Variants in SGCZ observed in about 807,000 individuals in gnomAD.
The protein encoded by SGCZ is zeta-sarcoglycan.
In SGCZ, 40 loss-of-function variants were observed where a neutral mutation model predicts 41.3. The ratio of observed to expected loss-of-function variants is 0.97; its 90% confidence interval spans 0.75 to 1.26. The LOEUF (loss-of-function observed/expected upper bound fraction) is 1.26. Among genes scored for constraint, SGCZ ranks in the 50% most tolerant of loss-of-function variants. The pLI, the probability that SGCZ is intolerant of heterozygous loss-of-function variation, is 0.00. For missense variants in SGCZ, 552 were observed against 369.8 expected (o/e 1.49, Z -4.04); for synonymous variants, 206 against 137.5 (o/e 1.50, Z -3.49).
chr8:14,497,163 T>C, intron 2 of SGCZ, among the ~76,000 whole-genome samples: 1 of 152,164 alleles, frequency 6.6e-6, no homozygotes, highest in East Asian at 1.9e-4. Context: ...AAGAAATACC[T>C]GAGGCTGGGT....
chr8:14,807,174 C>T (rs1004562702), intron 1 of SGCZ, among the ~76,000 whole-genome samples: 1 of 151,908 alleles, frequency 6.6e-6, no homozygotes, highest in South Asian at 2.1e-4. Context: ...TGGCACAAGA[C>T]ACGGATGCCC....
chr8:14,239,253 AC>A (rs1359455468), intron 3 of SGCZ, among the ~76,000 whole-genome samples: 4 of 122 alleles, frequency 0.033, no homozygotes, highest in African/African-American at 0.091. Context: ...ACATGAACAC[AC>A]ACACACACAC....
chr8:14,675,622 G>T (rs1292617839), intron 1 of SGCZ, among the ~76,000 whole-genome samples: 3 of 152,130 alleles, frequency 2.0e-5, no homozygotes, highest in Non-Finnish European at 4.4e-5. Flanking sequence ...GCAGCTGCTT[G>T]CCCAGGTGCT....
chr8:14,837,415 G>C (rs1802737267), intron 1 of SGCZ, among the ~76,000 whole-genome samples: 1 of 152,190 alleles, frequency 6.6e-6, no homozygotes, highest in South Asian at 2.1e-4. Context: ...TGTGTAGAAA[G>C]GTCCACTTAA....
chr8:14,449,801 G>A (rs1445272339), intron 2 of SGCZ, among the ~76,000 whole-genome samples: 1 of 152,044 alleles, frequency 6.6e-6, no homozygotes, highest in Non-Finnish European at 1.5e-5. Flanking sequence ...TTTGGCTTTG[G>A]GAACAAAGTA....
intron 1 of SGCZ, among the ~76,000 whole-genome samples, chr8:14,560,173 T>C (rs1470461121): frequency 6.6e-6 from 1 of 151,960 alleles, no homozygotes; most frequent in Non-Finnish European, 1.5e-5. Flanking sequence ...TAACAATAAT[T>C]TATTGCACAT....
intron 3 of SGCZ, among the ~76,000 whole-genome samples, chr8:14,295,001 T>A (rs373321491): frequency 6.6e-6 from 1 of 152,284 alleles, no homozygotes; most frequent in East Asian, 1.9e-4. Flanking sequence ...CAAAATGATA[T>A]AATTTGAAAA....
chr8:15,050,896 C>A (rs1804487566), intron 1 of SGCZ, among the ~76,000 whole-genome samples: 1 of 152,208 alleles, frequency 6.6e-6, no homozygotes, highest in South Asian at 2.1e-4. Context: ...AATTCTGCAC[C>A]ACAACATTTT....
At chr8:15,052,500 G>T (rs1386302885) in intron 1 of SGCZ, among the ~76,000 whole-genome samples, 1 of 152,076 alleles carries the variant, frequency 6.6e-6, no homozygotes, top group Non-Finnish European at 1.5e-5. Context: ...TGACAGTGTC[G>T]CAGTCAGTGG....
Position 14,798,266 on chromosome 8 carries a change from T to A in SGCZ, c.40-243340A>T, listed in dbSNP as rs139482367. On this transcript the variant is annotated intron_variant, in intron 1 of 7. Coordinates refer to ENST00000382080, the MANE Select transcript of SGCZ (RefSeq NM_139167.4). ...AAAGTATAGAAATCAATGAAGAAAG[T>A]ATACAAGTCCTTTTTCTAACAGGAA... 1.5e-3 allele frequency among the ~76,000 whole-genome samples: 221 copies of A among 152,286 alleles called. 2 individuals are homozygous for A. The highest frequency in any genetic ancestry group is 7.0e-3 in the Admixed American group (107 of 15,296).
chr8:15,172,958 C>G (rs112438043), intron 1 of SGCZ, among the ~76,000 whole-genome samples: 26 of 152,122 alleles, frequency 1.7e-4, no homozygotes, highest in Non-Finnish European at 2.9e-5. Context: ...GAAGTCATTA[C>G]GAGATTTCAT....
At chr8:14,222,764 C>T (rs1806242437) in intron 4 of SGCZ, among the ~76,000 whole-genome samples, 1 of 139,288 alleles carries the variant, frequency 7.2e-6, no homozygotes, top group Non-Finnish European at 1.5e-5. Context: ...TATTTAATAA[C>T]TAATTCCACC....
chr8:14,778,893 T>A (rs1800496001), intron 1 of SGCZ, among the ~76,000 whole-genome samples: 1 of 152,322 alleles, frequency 6.6e-6, no homozygotes, highest in African/African-American at 2.4e-5. Context: ...TATATCGCCA[T>A]TCGTGAAAAC....
chr8:14,940,140 TA>T (rs753285666), intron 1 of SGCZ, among the ~76,000 whole-genome samples: 1 of 152,130 alleles, frequency 6.6e-6, no homozygotes, highest in Non-Finnish European at 1.5e-5. Flanking sequence ...AAATCAGTGA[TA>T]ATCAAAAGCC....
intron 1 of SGCZ, among the ~76,000 whole-genome samples, chr8:15,005,890 G>A (rs1802594480): frequency 6.6e-6 from 1 of 152,106 alleles, no homozygotes; most frequent in Non-Finnish European, 1.5e-5. Context: ...TAATTGCTGT[G>A]CTATTTTATT....
intron 1 of SGCZ, among the ~76,000 whole-genome samples, chr8:15,072,133 C>G (rs549037668): frequency 3.3e-5 from 5 of 152,158 alleles, no homozygotes; most frequent in African/African-American, 1.2e-4. Context: ...TCTCCATCTT[C>G]CTGGTCTTTA....
chr8:14,753,480 A>C (rs969771), intron 1 of SGCZ, among the ~76,000 whole-genome samples: 3 of 152,220 alleles, frequency 2.0e-5, no homozygotes, highest in African/African-American at 7.2e-5. Context: ...AAATTTTTCA[A>C]ATATGCATAA....
At chr8:14,934,791 A>C (rs1800031679) in intron 1 of SGCZ, among the ~76,000 whole-genome samples, 1 of 151,788 alleles carries the variant, frequency 6.6e-6, no homozygotes, top group South Asian at 2.1e-4. Context: ...AAAACAAAAA[A>C]GGCAGGAAAA....
In SGCZ at chr8:14,554,733, A is replaced by T; in HGVS notation, c.233T>A (p.Val78Glu). Reference protein sequence around the residue: ...IWILKVMNFTVDGMGNLRVTK... With the variant: ...IWILKVMNFTEDGMGNLRVTK... The stretch of plus-strand genomic sequence containing the variant: ...ATGTAAAATCATAGTGGTACTTACC[A>T]CAGTGAAATTCATAACTTTCAATAT... The change falls in exon 2 of 8, where the codon GTG becomes GAG. Residue 78 changes from valine to glutamate, a missense_variant and splice_region_variant. By Grantham distance (121) the Val-to-Glu change is moderately radical. Transcript: ENST00000382080. The T allele has an allele frequency of 6.2e-7, 1 of 1,611,776 alleles. No homozygotes were observed. Among genetic ancestry groups the T allele is most frequent in the Non-Finnish European group, 8.5e-7 (1 of 1,178,564 alleles).
Sources: gnomAD v4.1 joint callset for allele counts (sites outside exome capture counted in the v4.1 genomes callset) on GRCh38, gnomAD v4.1.1 for gene constraint, MANE v1.5 for transcripts, NCBI Gene and HGNC (gene_info 2026-07-23, HGNC 2026-07-21) for gene names.